Variants in SLC7A2 observed in about 807,000 individuals in gnomAD.
SLC7A2 encodes cationic amino acid transporter 2.
In SLC7A2, 48 loss-of-function variants were observed where a neutral mutation model predicts 58.9. The observed-to-expected ratio is 0.82, with a 90% CI of 0.65 to 1.04. The LOEUF is 1.04. SLC7A2 is among the 50% of genes least tolerant of loss of function. The pLI is 0.00. For synonymous variants in SLC7A2, 363 were observed against 314.5 expected (o/e 1.15, Z -1.63); for missense variants, 1,029 against 818.8 (o/e 1.26, Z -3.13).
chr8:17,501,051 A>T (rs1800139928), intron 1 of SLC7A2, among the ~76,000 whole-genome samples: 2 of 150,230 alleles, frequency 1.3e-5, no homozygotes, highest in African/African-American at 4.9e-5. Context: ...TCTCGTTCTG[A>T]CGCCCAGGCT....
In SLC7A2 at chr8:17,556,007, C is replaced by T. The variant is rs879528272; in HGVS notation, c.1195+1308C>T. On this transcript the variant is annotated intron_variant, in intron 8 of 12. Transcript: ENST00000494857. ...ATTAGCTTAGAAAAAGCTAGTGCTT[C>T]ATTCTGTGTAAAATGGAATTTTTTT... Among the ~76,000 whole-genome samples, 50 of 152,174 alleles carry T rather than the reference C, an allele frequency of 3.3e-4. 1 individual carries two copies. Among genetic ancestry groups the T allele is most frequent in the Admixed American group, 2.3e-3 (35 of 15,282 alleles).
At chr8:17,546,039 A>G (rs1267883858) in intron 4 of SLC7A2, among the ~76,000 whole-genome samples, 1 of 152,224 alleles carries the variant, frequency 6.6e-6, no homozygotes, top group Non-Finnish European at 1.5e-5. Context: ...TTTGAGTCTA[A>G]TGTCAAGAGA....
At chr8:17,550,488 G>GT (rs964234610) in intron 6 of SLC7A2, 54 bp downstream of exon 6, 1 of 1,546,384 alleles carries the variant, frequency 6.5e-7, no homozygotes, top group African/African-American at 1.4e-5. Flanking sequence ...TTGTGCACGA[G>GT]TACCCGTGTG....
chr8:17,504,321 G>T (rs552848501), intron 2 of SLC7A2, among the ~76,000 whole-genome samples: 3 of 152,276 alleles, frequency 2.0e-5, no homozygotes, highest in Admixed American at 1.3e-4. Flanking sequence ...TGGACCACTG[G>T]TCAGTTTCTT....
intron 2 of SLC7A2, among the ~76,000 whole-genome samples, chr8:17,522,478 G>T (rs1339016967): frequency 6.6e-6 from 1 of 152,126 alleles, no homozygotes; most frequent in Non-Finnish European, 1.5e-5. Context: ...TAGATTGTGC[G>T]CTTGTTTGTA....
At chr8:17,560,269 T>G in intron 9 of SLC7A2, 59 bp from the exon 10 acceptor site, 1 of 1,363,106 alleles carries the variant, frequency 7.3e-7, no homozygotes, top group South Asian at 1.2e-5. Flanking sequence ...TAGGTGCTGG[T>G]TTCACTTGGG....
chr8:17,554,541 G>A lies in SLC7A2; in HGVS notation c.1056-19G>A. ...TGCATGAATGTTTGCCATACTGCAT[G>A]TGTTTGCTTTTTATTCAGTCTTCTT... On this transcript the variant is annotated intron_variant, in intron 7 of 12. Transcript: ENST00000494857. 1 of 1,576,134 alleles carries A rather than the reference G, an allele frequency of 6.3e-7. No homozygotes were observed. The highest frequency in any genetic ancestry group is 8.6e-7 in the Non-Finnish European group (1 of 1,165,826).
intron 2 of SLC7A2, among the ~76,000 whole-genome samples, chr8:17,541,274 C>T (rs929016549): frequency 1.3e-5 from 2 of 152,094 alleles, no homozygotes; most frequent in African/African-American, 4.8e-5. Context: ...GAACACTTAT[C>T]TTCTAGATAT....
chr8:17,530,126 C>A (rs1801385022), intron 2 of SLC7A2, among the ~76,000 whole-genome samples: 1 of 152,220 alleles, frequency 6.6e-6, no homozygotes, highest in African/African-American at 2.4e-5. Flanking sequence ...GCCTCCTACC[C>A]CGTGCTATAT....
At chr8:17,521,128 G>A (rs1268802773) in intron 2 of SLC7A2, among the ~76,000 whole-genome samples, 1 of 151,592 alleles carries the variant, frequency 6.6e-6, no homozygotes, top group Non-Finnish European at 1.5e-5. Flanking sequence ...TATTTTTTTT[G>A]GTAGTCCTTG....
At position 17,565,449 on chromosome 8, in the gene SLC7A2, T is replaced by C. The variant is rs981424465; in HGVS notation, c.*303T>C. 7.8e-6 allele frequency: 2 copies of C among 256,760 alleles called. No individual in the cohort carries two copies. The highest frequency in any genetic ancestry group is 1.5e-5 in the Non-Finnish European group (2 of 133,918). The allele number at this position is 256,760 out of a possible 1,614,324, so 15.9% of individuals were successfully genotyped here. On this transcript the variant is annotated 3_prime_UTR_variant, in exon 13 of 13. Transcript: ENST00000494857. ...GGGAACATGAGTGTTACAAGTTAGCTGGTGTTTTACTATTATTGTGTTACA... is the reference window on the plus strand; with the variant it reads ...GGGAACATGAGTGTTACAAGTTAGCCGGTGTTTTACTATTATTGTGTTACA...
Position 17,563,708 on chromosome 8 carries a change from ATTGGTAGGTC to A in SLC7A2, c.1780_1780+9del. 1 of 1,560,994 alleles carries A rather than the reference ATTGGTAGGTC, an allele frequency of 6.4e-7. No homozygotes were observed. ...GGTCAGATTCAGCATTTGGATGGCA[ATTGGTAGGTC>A]TTTTAATGTCGGGTTCTCTTTCCTA... On this transcript the variant is annotated splice_donor_variant and splice_donor_5th_base_variant and coding_sequence_variant and intron_variant, in exon 12 of 13. Transcript: ENST00000494857. LOFTEE classifies it high-confidence loss of function.
At chr8:17,554,467 C>A in intron 7 of SLC7A2, 93 bp from the exon 8 acceptor site, 2 of 1,013,884 alleles carry the variant, frequency 2.0e-6, no homozygotes, top group Non-Finnish European at 2.8e-6. Flanking sequence ...TTACAACTGT[C>A]ATGCTGAATA....
intron 4 of SLC7A2, 100 bp downstream of exon 4, chr8:17,544,706 A>G: frequency 4.1e-6 from 4 of 971,240 alleles, no homozygotes; most frequent in Non-Finnish European, 6.2e-6. Context: ...CCAAGATGAG[A>G]TTAGTATATT....
intron 2 of SLC7A2, among the ~76,000 whole-genome samples, chr8:17,542,940 C>T (rs139059640): frequency 1.3e-4 from 19 of 151,960 alleles, no homozygotes; most frequent in Admixed American, 7.9e-4. Context: ...CCAGCCTGGG[C>T]GACAGAGTGA....
chr8:17,545,113 C>T (rs952731805), intron 4 of SLC7A2, among the ~76,000 whole-genome samples: 1 of 152,138 alleles, frequency 6.6e-6, no homozygotes, highest in Non-Finnish European at 1.5e-5. Context: ...ATACTTAGTA[C>T]TAGGATTTTC....
intron 2 of SLC7A2, among the ~76,000 whole-genome samples, chr8:17,515,792 G>C (rs1800782156): frequency 6.6e-6 from 1 of 152,142 alleles, no homozygotes; most frequent in Non-Finnish European, 1.5e-5. Context: ...AGATAACCTT[G>C]TCTAATACCC....
Position 17,544,435 on chromosome 8 carries a change from G to A in SLC7A2, c.377-16G>A. The A allele has an allele frequency of 1.2e-6, 2 of 1,611,048 alleles. No homozygotes were observed. Among genetic ancestry groups the A allele is most frequent in the Non-Finnish European group, 1.7e-6 (2 of 1,178,294 alleles). On this transcript the variant is annotated splice_polypyrimidine_tract_variant and intron_variant, in intron 3 of 12. Transcript: ENST00000494857. ...TGCCCCCAGTGACTTCGTATTCTCTGTTCTGTTTTGGGAAGGTACATCAAG... is the reference window on the plus strand; with the variant it reads ...TGCCCCCAGTGACTTCGTATTCTCTATTCTGTTTTGGGAAGGTACATCAAG...
chr8:17,511,600 G>A (rs1800607386), intron 2 of SLC7A2, among the ~76,000 whole-genome samples: 1 of 152,172 alleles, frequency 6.6e-6, no homozygotes, highest in South Asian at 2.1e-4. Flanking sequence ...TCTTATTCAA[G>A]TAATATAATC....
Sources: gnomAD v4.1 joint callset for allele counts (sites outside exome capture counted in the v4.1 genomes callset) on GRCh38, gnomAD v4.1.1 for gene constraint, MANE v1.5 for transcripts, NCBI Gene and HGNC (gene_info 2026-07-23, HGNC 2026-07-21) for gene names.